SPTLC3: variants seen among roughly 807,000 people sequenced by gnomAD.
SPTLC3 encodes the protein serine palmitoyltransferase 3.
SPTLC3 carries 36 observed loss-of-function variants against 59.3 expected under a neutral mutation model. The observed-to-expected ratio is 0.61, with a 90% CI of 0.47 to 0.80. The LOEUF is 0.80. Among genes scored for constraint, SPTLC3 ranks in the 30% least tolerant of loss-of-function variants. The probability of loss-of-function intolerance (pLI) is 0.00; values close to 1 mark genes in which losing one functional copy is unlikely to be tolerated. For missense variants in SPTLC3, 625 were observed against 685.1 expected (o/e 0.91, Z 0.98); for synonymous variants, 257 against 240.8 (o/e 1.07, Z -0.62).
intron 1 of SPTLC3, among the ~76,000 whole-genome samples, chr20:13,034,278 C>T (rs1986633615): frequency 6.6e-6 from 1 of 152,130 alleles, no homozygotes; most frequent in Admixed American, 6.5e-5. Flanking sequence ...CAGCACTTAA[C>T]AAGTTGATTC....
chr20:13,047,017 A>T (rs912969859), intron 1 of SPTLC3, among the ~76,000 whole-genome samples: 2 of 152,214 alleles, frequency 1.3e-5, no homozygotes, highest in African/African-American at 4.8e-5. Context: ...CTATAGAAGT[A>T]ACCTGAAATA....
At chr20:13,110,240 TTTACGACTCG>T (rs1990152308) in intron 7 of SPTLC3, 23 bp downstream of exon 7, 5 of 1,602,182 alleles carry the variant, frequency 3.1e-6, no homozygotes, top group Non-Finnish European at 4.3e-6. Flanking sequence ...CAGGACACAT[TTTACGACTCG>T]GAGGCCTGCA....
rs892386546 is a variant in SPTLC3, at chr20:13,026,356, G to A, written c.117+16972G>A. Among the ~76,000 whole-genome samples the A allele has an allele frequency of 3.9e-4, 60 of 152,144 alleles. 1 individual carries two copies. Among genetic ancestry groups the A allele is most frequent in the Admixed American group, 3.9e-3 (59 of 15,266 alleles). ...TTACACTCCCACCAACAGTGTGTAAGTGTTCCCTTTTTTTTGCAACCTTGC... is the reference window on the plus strand; with the variant it reads ...TTACACTCCCACCAACAGTGTGTAAATGTTCCCTTTTTTTTGCAACCTTGC... On this transcript the variant is annotated intron_variant, in intron 1 of 11. Transcript: ENST00000399002.
chr20:13,071,171 C>A (rs2122565841), intron 2 of SPTLC3, among the ~76,000 whole-genome samples: 1 of 152,338 alleles, frequency 6.6e-6, no homozygotes, highest in South Asian at 2.1e-4. Flanking sequence ...AGCATTCATC[C>A]TAAGAAAACC....
chr20:13,093,374 G>C, intron 5 of SPTLC3, 110 bp from the exon 6 acceptor site: 2 of 958,716 alleles, frequency 2.1e-6, no homozygotes, highest in East Asian at 4.9e-5. Flanking sequence ...AAATTAAAGT[G>C]AGTTTTAGAA....
intron 4 of SPTLC3, among the ~76,000 whole-genome samples, chr20:13,079,482 A>AACC (rs1229772815): frequency 7.2e-5 from 11 of 152,158 alleles, no homozygotes; most frequent in Admixed American, 3.9e-4. Flanking sequence ...AAAAAACAAA[A>AACC]ACCACCACCA....
At chr20:13,136,373 G>A (rs889078069) in intron 9 of SPTLC3, among the ~76,000 whole-genome samples, 1 of 151,982 alleles carries the variant, frequency 6.6e-6, no homozygotes, top group Non-Finnish European at 1.5e-5. Context: ...AAGGCAGGTG[G>A]ATCACCCGAG....
chr20:13,127,456 C>T (rs2038020973), intron 9 of SPTLC3, among the ~76,000 whole-genome samples: 1 of 152,142 alleles, frequency 6.6e-6, no homozygotes, highest in African/African-American at 2.4e-5. Context: ...AATCTATGTG[C>T]CTCACCCCAC....
chr20:13,146,709 G>A (rs1279285423), intron 9 of SPTLC3, among the ~76,000 whole-genome samples: 5 of 152,144 alleles, frequency 3.3e-5, no homozygotes, highest in Non-Finnish European at 5.9e-5. Flanking sequence ...TCCAAACAGT[G>A]TCAGAAATTT....
chr20:13,063,186 C>T (rs549921883), intron 2 of SPTLC3, among the ~76,000 whole-genome samples: 5 of 152,182 alleles, frequency 3.3e-5, no homozygotes, highest in Non-Finnish European at 7.3e-5. Flanking sequence ...TATGACTGCA[C>T]TTCTTTAAAT....
Position 13,074,508 on chromosome 20 carries a change from T to G in SPTLC3, c.607+11T>G. 6.3e-7 allele frequency: 1 copy of G among 1,599,408 alleles called. No individual in the cohort carries two copies. The highest frequency in any genetic ancestry group is 1.1e-5 in the South Asian group (1 of 88,516). On this transcript the variant is annotated intron_variant, in intron 4 of 11. Transcript: ENST00000399002. ...CCAGGCATGAAATGGGTATGTACAT[T>G]CACTGTTTTGAAACTTTTTGCTGTT... is the stretch of plus-strand genomic sequence containing the variant.
At chr20:13,108,044 T>A (rs1017850269) in intron 6 of SPTLC3, among the ~76,000 whole-genome samples, 1 of 152,198 alleles carries the variant, frequency 6.6e-6, no homozygotes, top group Admixed American at 6.5e-5. Flanking sequence ...ATCTTATTCA[T>A]GTCACATGCT....
chr20:13,125,400 G>C (rs1373018570), intron 8 of SPTLC3, among the ~76,000 whole-genome samples: 2 of 152,148 alleles, frequency 1.3e-5, no homozygotes, highest in Non-Finnish European at 2.9e-5. Flanking sequence ...TAATATTCTG[G>C]TTTAATTTCC....
At chr20:13,126,262 A>G (rs890144879) in intron 8 of SPTLC3, among the ~76,000 whole-genome samples, 1 of 152,226 alleles carries the variant, frequency 6.6e-6, no homozygotes, top group Non-Finnish European at 1.5e-5. Context: ...GGCACTGAAC[A>G]CAAAGTCAGT....
intron 1 of SPTLC3, among the ~76,000 whole-genome samples, chr20:13,045,035 A>ACC (rs869258652): frequency 3.7e-5 from 5 of 136,116 alleles, no homozygotes; most frequent in African/African-American, 5.5e-5. Flanking sequence ...ACACACACAC[A>ACC]CCCTACTGCA....
intron 10 of SPTLC3, among the ~76,000 whole-genome samples, chr20:13,158,151 C>A (rs1206802373): frequency 6.6e-6 from 1 of 152,146 alleles, no homozygotes; most frequent in Non-Finnish European, 1.5e-5. Flanking sequence ...TGGTGTTATA[C>A]AAGAGGTAGT....
chr20:13,159,939 C>T, intron 10 of SPTLC3, 64 bp from the exon 11 acceptor site: 1 of 1,432,864 alleles, frequency 7.0e-7, no homozygotes, highest in Non-Finnish European at 9.2e-7. Context: ...CCTTTTTTGT[C>T]AGGATAATTT....
In SPTLC3 at chr20:13,045,362, T is replaced by G. The variant is rs538422613; in HGVS notation, c.118-3583T>G. ...TACAAATAACAATGCTTATCTGCAG[T>G]AATAACAAGTGCTTAATAAATGCAA... On this transcript the variant is annotated intron_variant, in intron 1 of 11. Coordinates refer to ENST00000399002, the MANE Select transcript of SPTLC3 (RefSeq NM_018327.4). Among the ~76,000 whole-genome samples, 10 of 152,344 alleles carry G rather than the reference T, an allele frequency of 6.6e-5. 1 individual carries two copies. Among genetic ancestry groups the G allele is most frequent in the African/African-American group, 2.4e-4 (10 of 41,582 alleles).
chr20:13,121,665 A>C (rs1426850941), intron 8 of SPTLC3, among the ~76,000 whole-genome samples: 1 of 152,064 alleles, frequency 6.6e-6, no homozygotes, highest in Non-Finnish European at 1.5e-5. Context: ...CATAGCACCC[A>C]ATGGGGGAAC....
Sources: gnomAD v4.1 joint callset for allele counts (sites outside exome capture counted in the v4.1 genomes callset) on GRCh38, gnomAD v4.1.1 for gene constraint, MANE v1.5 for transcripts, NCBI Gene and HGNC (gene_info 2026-07-23, HGNC 2026-07-21) for gene names.